Variants in PDPN observed in about 807,000 individuals in gnomAD.
PDPN encodes PA2.26 antigen.
In PDPN, 12 loss-of-function variants were observed where a neutral mutation model predicts 23.2. That is an observed-to-expected ratio of 0.52 (90% CI 0.33 to 0.84). The LOEUF (loss-of-function observed/expected upper bound fraction) is 0.84. PDPN is among the 40% of genes least tolerant of loss of function. PDPN has a pLI of 0.02. For missense variants in PDPN, 199 were observed against 212.2 expected, an observed-to-expected ratio of 0.94 and a Z score of 0.39; for synonymous variants, 77 against 76.7, an observed-to-expected ratio of 1.00 and a Z score of -0.02.
Position 13,601,992 on chromosome 1 carries a change from ATGC to A in PDPN, c.68-5180_68-5178del, listed in dbSNP as rs1198360364. ...GGTGGCTCATGCCTTTGGGTGGCTC[ATGC>A]CTTTGGGTGGCTCATGCCTTTGGGT... On this transcript the variant is annotated intron_variant, in intron 1 of 5. Coordinates refer to ENST00000621990, the MANE Select transcript of PDPN (RefSeq NM_006474.5). Among the ~76,000 whole-genome samples, 1,216 of 106,138 alleles carry A rather than the reference ATGC, an allele frequency of 0.011. 45 individuals carry two copies. The East Asian group carries it at 0.12, about 10-fold the overall frequency. The allele number at this position is 106,138 out of a possible 152,430, so 69.6% of individuals were successfully genotyped here. A position where few individuals can be genotyped will look rare whatever the true frequency, so the allele number is the denominator to read the frequency against.
At chr1:13,596,533 G>T (rs751696345) in intron 1 of PDPN, among the ~76,000 whole-genome samples, 1 of 152,330 alleles carries the variant, frequency 6.6e-6, no homozygotes. Context: ...TGTCGATCAC[G>T]ACCAGTGGCT....
intron 1 of PDPN, among the ~76,000 whole-genome samples, chr1:13,603,940 A>G (rs1463995271): frequency 1.3e-5 from 2 of 152,100 alleles, no homozygotes; most frequent in Non-Finnish European, 2.9e-5. Context: ...AAGTAAGTGG[A>G]TCGTTTGCTG....
chr1:13,597,445 C>T (rs1640525737), intron 1 of PDPN, among the ~76,000 whole-genome samples: 2 of 152,206 alleles, frequency 1.3e-5, no homozygotes, highest in African/African-American at 4.8e-5. Flanking sequence ...AAATCAGCAT[C>T]ACCAGTTCAA....
chr1:13,601,235 A>T (rs1284946822), intron 1 of PDPN, among the ~76,000 whole-genome samples: 2 of 152,230 alleles, frequency 1.3e-5, no homozygotes, highest in Non-Finnish European at 2.9e-5. Context: ...TGAAGAGAGC[A>T]CGGATTTAGA....
At chr1:13,595,680 G>A (rs1043600936) in intron 1 of PDPN, 56 of 418,586 alleles carry the variant, frequency 1.3e-4, no homozygotes, top group African/African-American at 9.8e-4. Context: ...GTCTCATCTC[G>A]TCATTGGTCT....
At chr1:13,591,383 T>C (rs770249199) in intron 1 of PDPN, among the ~76,000 whole-genome samples, 11 of 152,324 alleles carry the variant, frequency 7.2e-5, no homozygotes, top group Middle Eastern at 6.8e-3. Context: ...AATTAACCCA[T>C]TTAAAGCAAA....
chr1:13,605,346 G>T (rs563465582), intron 1 of PDPN, among the ~76,000 whole-genome samples: 1 of 152,150 alleles, frequency 6.6e-6, no homozygotes, highest in Admixed American at 6.5e-5. Context: ...CCTCCCCCTC[G>T]CTCCTGGGAT....
intron 2 of PDPN, 52 bp downstream of exon 2, chr1:13,607,358 CAAGG>C: frequency 2.0e-6 from 3 of 1,484,360 alleles, no homozygotes; most frequent in South Asian, 1.2e-5. Flanking sequence ...TGATCACATG[CAAGG>C]CTATGATGTA....
chr1:13,603,325 G>A (rs1640696720), intron 1 of PDPN, among the ~76,000 whole-genome samples: 1 of 152,162 alleles, frequency 6.6e-6, no homozygotes, highest in Non-Finnish European at 1.5e-5. Context: ...GGAGGTTGTA[G>A]TGAGCCGAAA....
chr1:13,590,357 T>C (rs966031811), intron 1 of PDPN, among the ~76,000 whole-genome samples: 40 of 152,190 alleles, frequency 2.6e-4, no homozygotes, highest in African/African-American at 8.9e-4. Flanking sequence ...TTTCTACACA[T>C]GTAGAAAGAA....
chr1:13,589,161 T>C (rs890736073), intron 1 of PDPN, among the ~76,000 whole-genome samples: 2 of 152,208 alleles, frequency 1.3e-5, no homozygotes, highest in Non-Finnish European at 2.9e-5. Flanking sequence ...CAGATGTCTT[T>C]GTTTTGTCAC....
chr1:13,610,513 A>G lies in PDPN; in HGVS notation c.328A>G (p.Thr110Ala). ...CTCAAACGTGGCCACCAGTCACTCC[A>G]CGGGTAAGAAAACCAGCCACCTCCA... Reference protein sequence around the residue: ...TASNVATSHSTEKVDGDTQTT... With the variant: ...TASNVATSHSAEKVDGDTQTT... Residue 110 changes from threonine to alanine, a missense_variant, in exon 3 of 6, where the codon ACG becomes GCG. Thr to Ala is a moderately conservative substitution (Grantham distance 58, BLOSUM62 0). Coordinates refer to ENST00000621990, the MANE Select transcript of PDPN (RefSeq NM_006474.5). The G allele has an allele frequency of 6.2e-7, 1 of 1,613,290 alleles. No homozygotes were observed. Among genetic ancestry groups the G allele is most frequent in the Non-Finnish European group, 8.5e-7 (1 of 1,179,572 alleles).
rs1356230700 is a variant in PDPN, at chr1:13,584,006, C to T, written c.-28C>T. The T allele has an allele frequency of 6.2e-7, 1 of 1,613,506 alleles. No individual in the cohort carries two copies. The highest frequency in any genetic ancestry group is 1.7e-5 in the Admixed American group (1 of 60,030). On this transcript the variant is annotated 5_prime_UTR_variant, in exon 1 of 6. Coordinates refer to ENST00000621990, the MANE Select transcript of PDPN (RefSeq NM_006474.5). The stretch of plus-strand genomic sequence containing the variant: ...AGCTCAGAATCTTGCTGCTCGGCCC[C>T]CAGGAGAGCAACAACTCAACGGGAA...
At chr1:13,596,900 T>C (rs1208115484) in intron 1 of PDPN, among the ~76,000 whole-genome samples, 1 of 152,160 alleles carries the variant, frequency 6.6e-6, no homozygotes, top group Non-Finnish European at 1.5e-5. Context: ...TAGAGAGATA[T>C]GAGCACCTCA....
At chr1:13,612,042 C>T (rs1380638111) in intron 3 of PDPN, among the ~76,000 whole-genome samples, 1 of 152,168 alleles carries the variant, frequency 6.6e-6, no homozygotes, top group Admixed American at 6.5e-5. Context: ...AAAAAATTCT[C>T]AGTTGCCTGG....
At chr1:13,584,368 G>C (rs1403219188) in intron 1 of PDPN, 10 of 1,417,058 alleles carry the variant, frequency 7.1e-6, no homozygotes, top group Non-Finnish European at 9.3e-6. Flanking sequence ...GCCTCCCTCC[G>C]AGTCGGCAGC....
rs371877512 is a variant in PDPN, at chr1:13,610,423, A to T, written c.238A>T (p.Ile80Phe). Residue 80 changes from isoleucine to phenylalanine, a missense_variant, in exon 3 of 6, where the codon ATC becomes TTC. By Grantham distance (21) the Ile-to-Phe change is conservative. Transcript: ENST00000621990. ...TGTCAACAGTGTAACAGGCATTCGC[A>T]TCGAGGATCTGCCAACTTCAGAAAG... is the stretch of plus-strand genomic sequence containing the variant. ...TSVNSVTGIR[I>F]EDLPTSESTV... is the part of the protein sequence containing the mutation. 2 of 1,613,976 alleles carry T rather than the reference A, an allele frequency of 1.2e-6. No individual in the cohort carries two copies. The highest frequency in any genetic ancestry group is 1.7e-6 in the Non-Finnish European group (2 of 1,179,852).
chr1:13,584,165 G>T (rs1443973690), intron 1 of PDPN, 65 bp downstream of exon 1: 2 of 1,575,078 alleles, frequency 1.3e-6, no homozygotes, highest in Non-Finnish European at 1.7e-6. Flanking sequence ...AGACTTGCTG[G>T]AATGCCCGGG....
At chr1:13,584,508 A>ATCAGGAGGGACGT (rs1429220707) in intron 1 of PDPN, among the ~76,000 whole-genome samples, 1 of 152,204 alleles carries the variant, frequency 6.6e-6, no homozygotes, top group East Asian at 1.9e-4. Flanking sequence ...GCCTCGTAGA[A>ATCAGGAGGGACGT]TCAGGAGGGA....
Sources: allele counts gnomAD v4.1 joint callset (sites outside exome capture counted in the v4.1 genomes callset), GRCh38; gene constraint gnomAD v4.1.1; transcripts MANE v1.5; gene names NCBI Gene and HGNC (gene_info 2026-07-23, HGNC 2026-07-21).